TARDBP: variants seen among roughly 807,000 people sequenced by gnomAD.
TARDBP encodes TAR DNA-binding protein 43.
In TARDBP, 4 loss-of-function variants were observed where a neutral mutation model predicts 38.3. The ratio of observed to expected loss-of-function variants is 0.10; its 90% CI spans 0.05 to 0.24. The LOEUF is 0.24. Ranked by LOEUF, TARDBP falls within the 10% of genes least tolerant of loss-of-function variation. TARDBP has a pLI of 1.00. For missense variants in TARDBP, 202 were observed against 521.9 expected (o/e 0.39, Z 5.97); for synonymous variants, 184 against 183.8 (o/e 1.00, Z -0.01).
downstream of TARDBP, chr1:11,027,614 A>G: frequency 1.2e-6 from 2 of 1,613,896 alleles, no homozygotes; most frequent in Non-Finnish European, 1.7e-6. Context: ...CTCCATATAT[A>G]CGCCCTCCTG....
In TARDBP at chr1:11,023,140, G is replaced by C. The variant is rs1394748148; in HGVS notation, c.*486G>C. 3.2e-6 allele frequency: 5 copies of C among 1,541,868 alleles called. No individual in the cohort carries two copies. The African/African-American group carries it at 6.9e-5, about 21-fold the overall frequency. On this transcript the variant is annotated 3_prime_UTR_variant, in exon 6 of 6. Coordinates refer to ENST00000240185, the MANE Select transcript of TARDBP (RefSeq NM_007375.4). ...TCTTTTGTTTTGTTTTTTAACACTT[G>C]TCTCCCCTCATACACAAAAGTACAA... is the stretch of plus-strand genomic sequence containing the variant.
Position 11,016,826 on chromosome 1 carries a change from T to C in TARDBP, c.239-18T>C, listed in dbSNP as rs755848510. ...GCTAAGTGAAGATTTCTAAAAGGTT[T>C]CTGCTCGTTTTATTTAGATAACAAA... On this transcript the variant is annotated intron_variant, in intron 2 of 5. Coordinates refer to ENST00000240185, the MANE Select transcript of TARDBP (RefSeq NM_007375.4). The C allele has an allele frequency of 2.1e-5, 34 of 1,613,328 alleles. No homozygotes were observed. The East Asian group carries it at 7.1e-4, about 34-fold the overall frequency.
chr1:11,020,338 G>C (rs1403292098), intron 4 of TARDBP, 91 bp from the exon 5 acceptor site: 1 of 1,503,170 alleles, frequency 6.7e-7, no homozygotes, highest in African/African-American at 1.4e-5. Flanking sequence ...GCTATCCAAG[G>C]CGAATGATTT....
intron 4 of TARDBP, among the ~76,000 whole-genome samples, chr1:11,020,134 A>G (rs1643607657): frequency 6.6e-6 from 1 of 152,136 alleles, no homozygotes; most frequent in Non-Finnish European, 1.5e-5. Flanking sequence ...TGCTGGGATT[A>G]CAGGTGTCAG....
intron 3 of TARDBP, among the ~76,000 whole-genome samples, chr1:11,017,394 G>A (rs745941349): frequency 1.3e-5 from 2 of 151,992 alleles, no homozygotes; most frequent in African/African-American, 4.8e-5. Flanking sequence ...TAGAGACAGG[G>A]TTTCACCCGT....
intron 2 of TARDBP, among the ~76,000 whole-genome samples, chr1:11,014,301 T>G (rs1643472204): frequency 6.6e-6 from 1 of 152,262 alleles, no homozygotes; most frequent in Non-Finnish European, 1.5e-5. Flanking sequence ...GATTTGATCA[T>G]TGTCCTTTTG....
chr1:11,027,453 C>A (rs765443160), downstream of TARDBP: 17 of 1,613,928 alleles, frequency 1.1e-5, no homozygotes, highest in Admixed American at 1.7e-5. Context: ...GGTGCCCATT[C>A]GAATGTCCAG....
At chr1:11,025,905 A>C (rs1264611144), downstream of TARDBP, 2 of 154,816 alleles carry the variant, frequency 1.3e-5, no homozygotes, top group Non-Finnish European at 2.9e-5. Flanking sequence ...AGTAGCCCCT[A>C]AGTGTGTATT....
Position 11,020,569 on chromosome 1 carries a change from C to A in TARDBP, c.684C>A (p.Ala228=), listed in dbSNP as rs1200491118. 6.2e-7 allele frequency: 1 copy of A among 1,613,702 alleles called. No homozygotes were observed. Among genetic ancestry groups the A allele is most frequent in the African/African-American group, 1.3e-5 (1 of 74,832 alleles). The change falls in exon 5 of 6, where the codon GCC becomes GCA. Residue 228 remains alanine (A), a synonymous_variant. Transcript: ENST00000240185. ...TCTTCATCCCCAAGCCATTCAGGGC[C>A]TTTGCCTTTGTTACATTTGCAGATG... ...MDVFIPKPFR[A]FAFVTFADDQ...
At chr1:11,019,805 A>G (rs191272321) in intron 4 of TARDBP, among the ~76,000 whole-genome samples, 15 of 150,704 alleles carry the variant, frequency 1.0e-4, no homozygotes, top group Non-Finnish European at 2.1e-4. Flanking sequence ...TGACTTCATG[A>G]TCCGCCCATC....
intron 3 of TARDBP, among the ~76,000 whole-genome samples, chr1:11,017,291 C>T (rs1270810227): frequency 6.6e-6 from 1 of 151,786 alleles, no homozygotes; most frequent in African/African-American, 2.4e-5. Context: ...GCAACCTCCA[C>T]CTCCCGGGTT....
chr1:11,016,534 A>G (rs1643528887), intron 2 of TARDBP, among the ~76,000 whole-genome samples: 1 of 152,212 alleles, frequency 6.6e-6, no homozygotes, highest in African/African-American at 2.4e-5. Context: ...CAAGTTGCTG[A>G]TATTTAAAGT....
downstream of TARDBP, chr1:11,026,221 T>A (rs1245484110): frequency 1.3e-5 from 2 of 152,512 alleles, no homozygotes; most frequent in East Asian, 3.8e-4. Context: ...ATTGCCAGTC[T>A]GTGGCCTGCC....
intron 5 of TARDBP, 28 bp downstream of exon 5, chr1:11,020,627 G>A (rs766858701): frequency 2.8e-5 from 45 of 1,604,088 alleles, no homozygotes; most frequent in Admixed American, 2.7e-4. Context: ...GATATGTCCC[G>A]GCCGGGCGTG....
downstream of TARDBP, chr1:11,025,991 G>A (rs1431679663): frequency 1.3e-5 from 2 of 154,798 alleles, no homozygotes; most frequent in African/African-American, 2.4e-5. Context: ...CATGTTCATT[G>A]TAAAGAGGAA....
chr1:11,013,645 G>A, intron 1 of TARDBP, 71 bp from the exon 2 acceptor site: 5 of 1,256,994 alleles, frequency 4.0e-6, no homozygotes, highest in Admixed American at 3.9e-5. Context: ...GACATGGTTT[G>A]GGTATTATCA....
intron 1 of TARDBP, 120 bp downstream of exon 1, chr1:11,012,863 G>A (rs1030783005): frequency 9.2e-5 from 14 of 152,364 alleles, no homozygotes; most frequent in African/African-American, 3.1e-4. Context: ...GTGAGACCGG[G>A]CCTAGTCCTG....
At chr1:11,016,772 G>A in intron 2 of TARDBP, 72 bp from the exon 3 acceptor site, 1 of 1,480,314 alleles carries the variant, frequency 6.8e-7, no homozygotes, top group Non-Finnish European at 9.3e-7. Context: ...CTCATTTCTA[G>A]ATGTAGGAGG....
At chr1:11,018,619 T>G in intron 3 of TARDBP, 114 bp from the exon 4 acceptor site, 1 of 1,471,246 alleles carries the variant, frequency 6.8e-7, no homozygotes, top group Non-Finnish European at 9.5e-7. Context: ...GTTTAAGTTT[T>G]AAGCCACTGC....
Sources: gnomAD v4.1 joint callset for allele counts (sites outside exome capture counted in the v4.1 genomes callset) on GRCh38, gnomAD v4.1.1 for gene constraint, MANE v1.5 for transcripts, NCBI Gene and HGNC (gene_info 2026-07-23, HGNC 2026-07-21) for gene names.